Variants in CCBE1 observed in about 807,000 individuals in gnomAD.
CCBE1 encodes collagen and calcium binding EGF domains 1, also known as collagen and calcium-binding EGF domain-containing protein 1.
Under a neutral mutation model 50.0 loss-of-function variants are expected in CCBE1, and 37 were observed. The ratio of observed to expected loss-of-function variants is 0.74; its 90% CI spans 0.57 to 0.97. The LOEUF (loss-of-function observed/expected upper bound fraction) is 0.97, where lower values mean the gene tolerates loss of function less well. Among genes scored for constraint, CCBE1 ranks in the 50% least tolerant of loss-of-function variants. The pLI, the probability that CCBE1 is intolerant of heterozygous loss-of-function variation, is 0.00. For missense variants in CCBE1, 538 were observed against 523.8 expected, an observed-to-expected ratio of 1.03 and a Z score of -0.26; for synonymous variants, 234 against 203.7, an observed-to-expected ratio of 1.15 and a Z score of -1.27.
intron 2 of CCBE1, among the ~76,000 whole-genome samples, chr18:59,599,430 G>A (rs781359002): frequency 3.3e-5 from 5 of 152,150 alleles, no homozygotes; most frequent in Non-Finnish European, 7.3e-5. Context: ...TAAAACAGAA[G>A]CTGCCCTGAA....
At chr18:59,536,615 T>C (rs1183673739) in intron 2 of CCBE1, among the ~76,000 whole-genome samples, 1 of 151,984 alleles carries the variant, frequency 6.6e-6, no homozygotes, top group Non-Finnish European at 1.5e-5. Flanking sequence ...ACATGACAAA[T>C]AAGAACGACC....
At chr18:59,566,887 G>A (rs983252215) in intron 2 of CCBE1, among the ~76,000 whole-genome samples, 2 of 152,096 alleles carry the variant, frequency 1.3e-5, no homozygotes, top group African/African-American at 4.8e-5. Context: ...AAGACATTGT[G>A]AGAGAACGAT....
intron 2 of CCBE1, among the ~76,000 whole-genome samples, chr18:59,543,844 A>AAAAAG (rs1555690329): frequency 8.1e-5 from 12 of 147,576 alleles, no homozygotes; most frequent in African/African-American, 2.5e-4. Context: ...CAAAAAAAAA[A>AAAAAG]AAAAAAAAAA....
intron 2 of CCBE1, among the ~76,000 whole-genome samples, chr18:59,503,070 G>A (rs1181898502): frequency 6.6e-6 from 1 of 152,200 alleles, no homozygotes; most frequent in Non-Finnish European, 1.5e-5. Context: ...CTTCCTGGGG[G>A]TGGGCCTGTG....
chr18:59,667,975 G>A (rs965216851), intron 2 of CCBE1, among the ~76,000 whole-genome samples: 12 of 152,102 alleles, frequency 7.9e-5, no homozygotes, highest in Non-Finnish European at 1.2e-4. Flanking sequence ...GGGACCTATC[G>A]AGGGGTGGGG....
Position 59,448,051 on chromosome 18 carries a change from T to G in CCBE1, c.707A>C (p.Asp236Ala). 6.2e-7 allele frequency: 1 copy of G among 1,614,130 alleles called. No individual in the cohort carries two copies. Among genetic ancestry groups the G allele is most frequent in the Non-Finnish European group, 8.5e-7 (1 of 1,180,038 alleles). ...AADLGKYITGDKVLASNTYLP... is the reference protein window; with the variant it reads ...AADLGKYITGAKVLASNTYLP... ...GTAGGTGTTTGAGGCCAGCACCTTG[T>G]CACCAGTGATATACTTGCCCAGGTC... Residue 236 changes from aspartate to alanine, a missense_variant, in exon 7 of 11, where the codon GAC becomes GCC. Asp to Ala is a moderately radical substitution (Grantham distance 126, BLOSUM62 -2). Coordinates refer to ENST00000439986, the MANE Select transcript of CCBE1 (RefSeq NM_133459.4).
In CCBE1 at chr18:59,439,596, C is replaced by A. The variant is rs1164091007; in HGVS notation, c.916-18G>T. 2 of 1,614,258 alleles carry A rather than the reference C, an allele frequency of 1.2e-6. No homozygotes were observed. Among genetic ancestry groups the A allele is most frequent in the African/African-American group, 2.7e-5 (2 of 75,068 alleles). On this transcript the variant is annotated intron_variant, in intron 8 of 10. Coordinates refer to ENST00000439986, the MANE Select transcript of CCBE1 (RefSeq NM_133459.4). The stretch of plus-strand genomic sequence containing the variant: ...GGTGGACCCTGTAATACAAAAGGAT[C>A]TGGTTTAACCACAGGCAAAAGCATG...
chr18:59,483,747 T>C (rs1180006516), intron 2 of CCBE1, among the ~76,000 whole-genome samples: 1 of 152,184 alleles, frequency 6.6e-6, no homozygotes, highest in African/African-American at 2.4e-5. Context: ...TCACATGCAA[T>C]GCAGTGGTGG....
At chr18:59,661,709 T>C (rs1004540305) in intron 2 of CCBE1, among the ~76,000 whole-genome samples, 1 of 152,226 alleles carries the variant, frequency 6.6e-6, no homozygotes, top group African/African-American at 2.4e-5. Flanking sequence ...GGTTCATGCC[T>C]GTAATCCAAG....
In CCBE1 at chr18:59,529,978, AAAGTTCTAGGCCCC is replaced by A. The variant is rs1914985233; in HGVS notation, c.213-49754_213-49741del. On this transcript the variant is annotated intron_variant, in intron 2 of 10. Coordinates refer to ENST00000439986, the MANE Select transcript of CCBE1 (RefSeq NM_133459.4). ...AACAACTTGAAGGGCTCATTAAAAC[AAAGTTCTAGGCCCC>A]AATCCCAGAGTTTCTGAGTTAGTGG... 2.0e-5 allele frequency among the ~76,000 whole-genome samples: 3 copies of A among 152,326 alleles called. No individual in the cohort carries two copies. The Middle Eastern group carries it at 0.01, about 518-fold the overall frequency.
At chr18:59,664,936 T>TC (rs1267681964) in intron 2 of CCBE1, among the ~76,000 whole-genome samples, 4 of 152,024 alleles carry the variant, frequency 2.6e-5, no homozygotes, top group African/African-American at 9.7e-5. Flanking sequence ...TAAAGACTGA[T>TC]CAACAGGCAG....
chr18:59,683,343 C>T (rs952311750), intron 2 of CCBE1, among the ~76,000 whole-genome samples: 2 of 152,202 alleles, frequency 1.3e-5, no homozygotes, highest in South Asian at 4.1e-4. Flanking sequence ...GAACACAACT[C>T]CTAAGATCAC....
intron 2 of CCBE1, among the ~76,000 whole-genome samples, chr18:59,570,998 T>C (rs951479986): frequency 6.6e-6 from 1 of 152,198 alleles, no homozygotes; most frequent in Non-Finnish European, 1.5e-5. Flanking sequence ...CAAGAGTAAG[T>C]CGACTGCTGA....
chr18:59,583,082 G>T (rs146412639), intron 2 of CCBE1, among the ~76,000 whole-genome samples: 2,023 of 152,324 alleles, frequency 0.013, 29 homozygotes, highest in Non-Finnish European at 0.02. Flanking sequence ...GCCTCCCAAA[G>T]TGCTGGGATT....
At chr18:59,663,772 T>C (rs1279458024) in intron 2 of CCBE1, among the ~76,000 whole-genome samples, 3 of 152,096 alleles carry the variant, frequency 2.0e-5, no homozygotes, top group Non-Finnish European at 4.4e-5. Flanking sequence ...TTCATGAGAC[T>C]GTCATGAGGC....
At chr18:59,474,685 G>A (rs1487459187) in intron 3 of CCBE1, among the ~76,000 whole-genome samples, 1 of 152,178 alleles carries the variant, frequency 6.6e-6, no homozygotes, top group Non-Finnish European at 1.5e-5. Flanking sequence ...TCTGGTTGTG[G>A]AAAAGGCAAT....
At position 59,496,141 on chromosome 18, in the gene CCBE1, A is replaced by G. The variant is rs140194974; in HGVS notation, c.213-15903T>C. ...GGTGTCTTAAGTCTGATCCCTGACA[A>G]TTACAGCTTCAGTCTCTGTGATAAG... On this transcript the variant is annotated intron_variant, in intron 2 of 10. Transcript: ENST00000439986. Among the ~76,000 whole-genome samples, 370 of 152,278 alleles carry G rather than the reference A, an allele frequency of 2.4e-3. 2 individuals carry two copies. The highest frequency in any genetic ancestry group is 8.6e-3 in the African/African-American group (359 of 41,546).
intron 2 of CCBE1, among the ~76,000 whole-genome samples, chr18:59,629,700 G>A (rs539526028): frequency 6.6e-6 from 1 of 152,326 alleles, no homozygotes; most frequent in African/African-American, 2.4e-5. Context: ...TAGTATTCTC[G>A]AGTAGTCTCC....
At chr18:59,692,141 G>A (rs1225630505) in intron 2 of CCBE1, among the ~76,000 whole-genome samples, 2 of 152,162 alleles carry the variant, frequency 1.3e-5, no homozygotes, top group Non-Finnish European at 2.9e-5. Context: ...TCAAAAAGAT[G>A]AAGTTCATAC....
Sources: gnomAD v4.1 joint callset for allele counts (sites outside exome capture counted in the v4.1 genomes callset) on GRCh38, gnomAD v4.1.1 for gene constraint, MANE v1.5 for transcripts, NCBI Gene and HGNC (gene_info 2026-07-23, HGNC 2026-07-21) for gene names.